Variants in SNRNP48 observed in about 807,000 individuals in gnomAD.
SNRNP48 encodes the protein small nuclear ribonucleoprotein U11/U12 subunit 48, also known as U11/U12 small nuclear ribonucleoprotein 48 kDa protein.
Under a neutral mutation model 47.0 loss-of-function variants are expected in SNRNP48, and 43 were observed. The ratio of observed to expected loss-of-function variants is 0.92; its 90% CI spans 0.72 to 1.18. The LOEUF (loss-of-function observed/expected upper bound fraction) is 1.18, where lower values mean the gene tolerates loss of function less well. Ranked by LOEUF, SNRNP48 falls within the 50% of genes most tolerant of loss-of-function variation. The pLI is 0.00. For synonymous variants in SNRNP48, 138 were observed against 144.0 expected (o/e 0.96, Z 0.30); for missense variants, 396 against 422.2 (o/e 0.94, Z 0.54).
intron 8 of SNRNP48, among the ~76,000 whole-genome samples, chr6:7,608,577 TA>T (rs1444009975): frequency 6.6e-6 from 1 of 151,814 alleles, no homozygotes; most frequent in African/African-American, 2.4e-5. Context: ...AACAAACAAA[TA>T]AAAAAACTAA....
rs1430341823 is a variant in SNRNP48 at position 7,611,004 on chromosome 6, A to G, written c.*2131A>G. On this transcript the variant is annotated 3_prime_UTR_variant, in exon 9 of 9. Transcript: ENST00000342415. ...TAGTTTTTATTTCTAGAGTGCTGCT[A>G]TGAATAATTACTATAGCTGCTGTCC... The G allele has an allele frequency of 1.3e-5, 2 of 152,220 alleles. No homozygotes were observed. Among genetic ancestry groups the G allele is most frequent in the Non-Finnish European group, 1.5e-5 (1 of 68,044 alleles). The allele number at this position is 152,220 out of a possible 1,614,324, so 9.4% of individuals were successfully genotyped here. A position where few individuals can be genotyped will look rare whatever the true frequency, so the allele number is the denominator to read the frequency against.
chr6:7,605,623 G>A (rs765887059), intron 7 of SNRNP48, 137 bp downstream of exon 7: 47 of 784,146 alleles, frequency 6.0e-5, no homozygotes, highest in Non-Finnish European at 8.5e-5. Context: ...TTTGTTTTTC[G>A]TTGTCAGTGC....
At chr6:7,604,846 T>G (rs1346345966) in intron 6 of SNRNP48, among the ~76,000 whole-genome samples, 2 of 152,190 alleles carry the variant, frequency 1.3e-5, no homozygotes, top group African/African-American at 4.8e-5. Context: ...AGTCATATGA[T>G]TAAGTCAAGA....
intron 4 of SNRNP48, among the ~76,000 whole-genome samples, chr6:7,596,683 T>C (rs1759909902): frequency 6.6e-6 from 1 of 152,224 alleles, no homozygotes; most frequent in Non-Finnish European, 1.5e-5. Context: ...CTTTTGTCCC[T>C]GTCAGGGAAA....
At chr6:7,605,308 T>A in intron 6 of SNRNP48, 90 bp from the exon 7 acceptor site, 1 of 989,132 alleles carries the variant, frequency 1.0e-6, no homozygotes, top group South Asian at 1.4e-5. Flanking sequence ...TTAGTAAATA[T>A]TTGATTGTTA....
intron 6 of SNRNP48, among the ~76,000 whole-genome samples, chr6:7,605,003 T>C (rs933697160): frequency 2.0e-5 from 3 of 147,472 alleles, no homozygotes; most frequent in Non-Finnish European, 4.5e-5. Context: ...TAGCTTCTCA[T>C]TGGCACTCTC....
At chr6:7,596,029 C>T (rs1363979448) in intron 4 of SNRNP48, among the ~76,000 whole-genome samples, 3 of 152,068 alleles carry the variant, frequency 2.0e-5, no homozygotes, top group African/African-American at 7.2e-5. Flanking sequence ...TTTGGGAGGC[C>T]GAGGCAGGTG....
At chr6:7,605,715 T>A (rs1443795019) in intron 7 of SNRNP48, among the ~76,000 whole-genome samples, 1 of 152,192 alleles carries the variant, frequency 6.6e-6, no homozygotes, top group Non-Finnish European at 1.5e-5. Context: ...AATATTCAAA[T>A]AGCAAAACAT....
At position 7,605,421 on chromosome 6, in the gene SNRNP48, G is replaced by A. The variant is rs1561715385; in HGVS notation, c.741G>A (p.Val247=). ...AGGTGATTCGAGATGTGATAAATGT[G>A]CACATGGAAGAACTCAGCAATCATT... ...YTEVIRDVIN[V]HMEELSNHWQ... Residue 247 remains valine (V), a synonymous_variant, in exon 7 of 9, where the codon GTG becomes GTA. Transcript: ENST00000342415. The A allele has an allele frequency of 3.1e-6, 5 of 1,614,070 alleles. No homozygotes were observed. Among genetic ancestry groups the A allele is most frequent in the Middle Eastern group, 1.6e-4 (1 of 6,062 alleles).
rs1759880447 is a variant in SNRNP48, at chr6:7,595,076, G to A, written c.381G>A (p.Gly127=). Residue 127 remains glycine (G), a synonymous_variant, in exon 4 of 9, where the codon GGG becomes GGA. Coordinates refer to ENST00000342415, the MANE Select transcript of SNRNP48 (RefSeq NM_152551.4). ...TTAAACAAGCTAGAACTGCAGTTGG[G>A]AAAGACAGTGATTGTTATAATCAAA... ...QIIKQARTAV[G]KDSDCYNQRI... 6.3e-7 allele frequency: 1 copy of A among 1,598,528 alleles called. No individual in the cohort carries two copies. The highest frequency in any genetic ancestry group is 8.5e-7 in the Non-Finnish European group (1 of 1,175,022).
chr6:7,603,563 C>G (rs925814000), intron 6 of SNRNP48, among the ~76,000 whole-genome samples: 1 of 152,166 alleles, frequency 6.6e-6, no homozygotes, highest in African/African-American at 2.4e-5. Flanking sequence ...TTCTTACCTC[C>G]ATGCCCTATT....
chr6:7,600,250 A>C (rs956382259), intron 4 of SNRNP48: 5 of 965,812 alleles, frequency 5.2e-6, no homozygotes, highest in Admixed American at 6.1e-5. Flanking sequence ...GTAGACAAGT[A>C]GTACCTCTTT....
intron 4 of SNRNP48, chr6:7,600,160 G>A (rs1759985371): frequency 6.0e-6 from 6 of 991,766 alleles, no homozygotes; most frequent in South Asian, 4.6e-5. Flanking sequence ...ACCCTTTGAC[G>A]AGTAAAAATG....
chr6:7,601,841 G>A (rs988772955), intron 5 of SNRNP48, among the ~76,000 whole-genome samples: 1 of 151,856 alleles, frequency 6.6e-6, no homozygotes, highest in Non-Finnish European at 1.5e-5. Context: ...ATCGTATCAG[G>A]TTTTTGGTGT....
At position 7,608,859 on chromosome 6, in the gene SNRNP48, A is replaced by C; in HGVS notation, c.1006A>C (p.Lys336Gln). The change falls in exon 9 of 9, where the codon AAG becomes CAG. Residue 336 changes from lysine to glutamine, a missense_variant. Lys to Gln is a moderately conservative substitution (Grantham distance 53). Transcript: ENST00000342415. ...GERHHSHKRR[K>Q]QKI ...AAGACACCATAGTCATAAAAGAAGA[A>C]AGCAAAAAATATAAATGAAGTACTT... is the stretch of plus-strand genomic sequence containing the variant. 1 of 1,519,718 alleles carries C rather than the reference A, an allele frequency of 6.6e-7. No individual in the cohort carries two copies. Among genetic ancestry groups the C allele is most frequent in the East Asian group, 2.3e-5 (1 of 43,202 alleles). 94.1% of individuals were successfully genotyped at this position (1,519,718 alleles called of 1,614,324 possible). A position where few individuals can be genotyped will look rare whatever the true frequency, so the allele number is the denominator to read the frequency against.
chr6:7,594,322 A>G (rs1368534073), intron 3 of SNRNP48, among the ~76,000 whole-genome samples, 163 bp downstream of exon 3: 1 of 152,252 alleles, frequency 6.6e-6, no homozygotes, highest in African/African-American at 2.4e-5. Context: ...ACTAATTCAC[A>G]TAATCTGAAG....
chr6:7,605,855 T>C (rs1467054075), intron 7 of SNRNP48, among the ~76,000 whole-genome samples, 176 bp from the exon 8 acceptor site: 1 of 152,172 alleles, frequency 6.6e-6, no homozygotes, highest in Admixed American at 6.5e-5. Flanking sequence ...CAGGCATAAA[T>C]GGGTTAAGAG....
intron 8 of SNRNP48, among the ~76,000 whole-genome samples, chr6:7,607,592 G>A (rs1442990158): frequency 6.6e-6 from 1 of 152,094 alleles, no homozygotes; most frequent in Non-Finnish European, 1.5e-5. Flanking sequence ...GCCATTTCCT[G>A]AAGCCTTTTT....
Position 7,601,348 on chromosome 6 carries a change from C to T in SNRNP48, c.419C>T (p.Ser140Leu), listed in dbSNP as rs1443419024. Reference protein sequence around the residue: ...SDCYNQRIYSSLPVEVPLNHK... With the variant: ...SDCYNQRIYSLLPVEVPLNHK... ...ATTTTTACTTTAGGAATTTATTCTT[C>T]ATTGCCTGTTGAAGTTCCTTTGAAT... Residue 140 changes from serine to leucine, a missense_variant, in exon 5 of 9, where the codon TCA (serine) becomes TTA (leucine). Physicochemically the swap from Ser to Leu is moderately radical, Grantham distance 145. Transcript: ENST00000342415. 1.1e-5 allele frequency: 18 copies of T among 1,569,664 alleles called. No homozygotes were observed. The highest frequency in any genetic ancestry group is 1.5e-5 in the Non-Finnish European group (18 of 1,168,112).
Sources: allele counts gnomAD v4.1 joint callset (sites outside exome capture counted in the v4.1 genomes callset), GRCh38; gene constraint gnomAD v4.1.1; transcripts MANE v1.5; gene names NCBI Gene and HGNC (gene_info 2026-07-23, HGNC 2026-07-21).